Variants in ZAP70 observed in about 807,000 individuals in gnomAD.
ZAP70 encodes the protein tyrosine-protein kinase ZAP-70.
ZAP70 carries 27 observed loss-of-function variants against 65.8 expected under a neutral mutation model. That is an observed-to-expected ratio of 0.41 (90% CI 0.30 to 0.57). The LOEUF is 0.57. Ranked by LOEUF, ZAP70 falls within the 20% of genes least tolerant of loss-of-function variation. The probability of loss-of-function intolerance (pLI) is 0.28; values close to 1 mark genes in which losing one functional copy is unlikely to be tolerated. For missense variants in ZAP70, 696 were observed against 870.5 expected (o/e 0.80, Z 2.52); for synonymous variants, 363 against 360.8 (o/e 1.01, Z -0.07).
downstream of ZAP70, among the ~76,000 whole-genome samples, chr2:97,741,757 T>G (rs944515493): frequency 1.3e-5 from 2 of 152,232 alleles, no homozygotes; most frequent in African/African-American, 4.8e-5. Context: ...CCCATTCCCT[T>G]TACCGTTCCA....
At chr2:97,734,163 C>T (rs1677741887) in intron 8 of ZAP70, 3 of 335,552 alleles carry the variant, frequency 8.9e-6, no homozygotes, top group Admixed American at 9.0e-5. Context: ...TTGGAGGCCT[C>T]GTAAATGTGG....
At position 97,739,803 on chromosome 2, in the gene ZAP70, C is replaced by G; in HGVS notation, c.*305C>G. On this transcript the variant is annotated 3_prime_UTR_variant, in exon 14 of 14. Coordinates refer to ENST00000264972, the MANE Select transcript of ZAP70 (RefSeq NM_001079.4). ...TTCCCCTGGGCCCTGACATTGGAGC[C>G]TGGGCATCCTCAGGTGGTCAGGCGT... 1 of 450,296 alleles carries G rather than the reference C, an allele frequency of 2.2e-6. No individual in the cohort carries two copies. Among genetic ancestry groups the G allele is most frequent in the Non-Finnish European group, 4.0e-6 (1 of 247,166 alleles). The allele number at this position is 450,296 out of a possible 1,614,324, so 27.9% of individuals were successfully genotyped here. A position where few individuals can be genotyped will look rare whatever the true frequency, so the allele number is the denominator to read the frequency against.
chr2:97,744,295 C>T (rs1022493468), downstream of ZAP70, among the ~76,000 whole-genome samples: 7 of 152,136 alleles, frequency 4.6e-5, no homozygotes, highest in African/African-American at 7.2e-5. Flanking sequence ...CCTGTAGACA[C>T]GCTAAATAAA....
At position 97,737,617 on chromosome 2, in the gene ZAP70, C is replaced by T. The variant is rs201936638; in HGVS notation, c.1434C>T (p.Ser478=). The change falls in exon 11 of 14, where the codon AGC becomes AGT. Residue 478 remains serine, a synonymous_variant. Transcript: ENST00000264972. The surrounding 1 kb of genome is among the most constrained non-coding windows in gnomAD (Gnocchi z 5.0). ...TTAACCGGCACTACGCCAAGATCAG[C>T]GACTTTGGCCTCTCCAAAGCACTGG... ...LLVNRHYAKI[S]DFGLSKALGA... is the part of the protein sequence containing the mutation. 13 of 1,614,114 alleles carry T rather than the reference C, an allele frequency of 8.1e-6. No individual in the cohort carries two copies. The highest frequency in any genetic ancestry group is 1.6e-4 in the Middle Eastern group (1 of 6,062).
intron 2 of ZAP70, among the ~76,000 whole-genome samples, chr2:97,723,770 G>A (rs1258262320): frequency 6.6e-6 from 1 of 152,208 alleles, no homozygotes; most frequent in African/African-American, 2.4e-5. Context: ...GGACCAGTTG[G>A]CGTGCTTGGG....
chr2:97,748,565 A>G, the ZAP70 span, among the ~76,000 whole-genome samples: 2 of 152,120 alleles, frequency 1.3e-5, no homozygotes. Context: ...TTTCTCACTT[A>G]TGATGCTGCT....
chr2:97,723,389 T>G (rs1027042540), intron 2 of ZAP70, among the ~76,000 whole-genome samples: 2 of 152,266 alleles, frequency 1.3e-5, no homozygotes, highest in African/African-American at 2.4e-5. Flanking sequence ...TCAGGGCCTC[T>G]GCGCATGCAG....
intron 2 of ZAP70, among the ~76,000 whole-genome samples, chr2:97,718,322 C>G (rs59134572): frequency 0.034 from 5,169 of 152,276 alleles, 291 homozygotes; most frequent in African/African-American, 0.11. Flanking sequence ...ACAGCAGACA[C>G]TCCGGCTAGC....
intron 8 of ZAP70, 72 bp downstream of exon 8, chr2:97,733,667 T>C: frequency 6.2e-7 from 1 of 1,600,126 alleles, no homozygotes; most frequent in Non-Finnish European, 8.6e-7. Flanking sequence ...GTCAGGGCTG[T>C]GGGGTTTCAC....
rs151116894 is a variant in ZAP70 at position 97,737,205 on chromosome 2, G to A, written c.1290-268G>A. 3.3e-5 allele frequency among the ~76,000 whole-genome samples: 5 copies of A among 152,208 alleles called. No individual in the cohort carries two copies. Among genetic ancestry groups the A allele is most frequent in the East Asian group, 3.9e-4 (2 of 5,156 alleles). The stretch of plus-strand genomic sequence containing the variant: ...TGAGATGCCTGTGAGACCTCAGCAC[G>A]TCGAGGGTGCAGGCATAGGTCTAGA... On this transcript the variant is annotated intron_variant, in intron 10 of 13. Coordinates refer to ENST00000264972, the MANE Select transcript of ZAP70 (RefSeq NM_001079.4). The surrounding 1 kb of genome is among the most constrained non-coding windows in gnomAD (Gnocchi z 5.0).
rs140593843 is a variant in ZAP70 at position 97,732,628 on chromosome 2, G to T, written c.564-255G>T. On this transcript the variant is annotated intron_variant, in intron 4 of 13. Coordinates refer to ENST00000264972, the MANE Select transcript of ZAP70 (RefSeq NM_001079.4). ...GGGGGTCAGGTATTCCCCGTGAATGGCCATCTGTTGGCTCTTGGAGAACAG... is the reference window on the plus strand; with the variant it reads ...GGGGGTCAGGTATTCCCCGTGAATGTCCATCTGTTGGCTCTTGGAGAACAG... The T allele has an allele frequency of 8.8e-4, 517 of 584,704 alleles. 3 individuals are homozygous for T. The highest frequency in any genetic ancestry group is 8.3e-3 in the African/African-American group (447 of 53,662). The allele number at this position is 584,704 out of a possible 1,614,324, so 36.2% of individuals were successfully genotyped here.
chr2:97,735,572 C>T, intron 10 of ZAP70, 116 bp downstream of exon 10: 2 of 1,213,562 alleles, frequency 1.6e-6, no homozygotes, highest in East Asian at 2.4e-5. Context: ...TCCACACCAT[C>T]GTGGACACAC....
the ZAP70 span, among the ~76,000 whole-genome samples, chr2:97,748,223 G>A: frequency 3.3e-5 from 5 of 152,294 alleles, no homozygotes; most frequent in South Asian, 1.0e-3. Context: ...TATTCACAAT[G>A]TTGATGATGG....
chr2:97,751,234 T>A, the ZAP70 span, among the ~76,000 whole-genome samples: 1 of 152,196 alleles, frequency 6.6e-6, no homozygotes, highest in African/African-American at 2.4e-5. Flanking sequence ...ATAATAGCAA[T>A]AAATTTCGTG....
chr2:97,752,661 A>G, the ZAP70 span, among the ~76,000 whole-genome samples: 79 of 152,380 alleles, frequency 5.2e-4, 1 homozygote, highest in African/African-American at 1.8e-3. Flanking sequence ...ATAGCAAAGC[A>G]TCTAAAATGT....
chr2:97,714,478 C>T (rs1048323651), intron 2 of ZAP70, among the ~76,000 whole-genome samples: 10 of 152,178 alleles, frequency 6.6e-5, no homozygotes, highest in African/African-American at 1.4e-4. Flanking sequence ...AGCAAAACAC[C>T]GAGTTCTCCT....
Position 97,739,615 on chromosome 2 carries a change from G to T in ZAP70, c.*117G>T, listed in dbSNP as rs1428874124. The T allele has an allele frequency of 1.4e-6, 2 of 1,441,750 alleles. No individual in the cohort carries two copies. Among genetic ancestry groups the T allele is most frequent in the Non-Finnish European group, 1.9e-6 (2 of 1,071,440 alleles). The allele number at this position is 1,441,750 out of a possible 1,614,324, so 89.3% of individuals were successfully genotyped here. ...TGTCTCCACACACAGCTGGGCTGTG[G>T]TAGGGGGTGTCTCAGGCCACACCGG... On this transcript the variant is annotated 3_prime_UTR_variant, in exon 14 of 14. Transcript: ENST00000264972.
chr2:97,754,067 C>T, the ZAP70 span, among the ~76,000 whole-genome samples: 1 of 152,206 alleles, frequency 6.6e-6, no homozygotes, highest in South Asian at 2.1e-4. Flanking sequence ...TCAACCTTGG[C>T]CTAGTACAAA....
the ZAP70 span, among the ~76,000 whole-genome samples, chr2:97,749,042 C>A: frequency 7.0e-6 from 1 of 141,856 alleles, no homozygotes; most frequent in Non-Finnish European, 1.5e-5. Flanking sequence ...CGGAGTCTCG[C>A]TCTGTCGCCC....
Sources: gnomAD v4.1 joint callset for allele counts (sites outside exome capture counted in the v4.1 genomes callset) on GRCh38, gnomAD v4.1.1 for gene constraint, Gnocchi (gnomAD v3.1) non-coding constraint, MANE v1.5 for transcripts, NCBI Gene and HGNC (gene_info 2026-07-23, HGNC 2026-07-21) for gene names.